The following GRM8 variants were observed in gnomAD, a reference collection of about 807,000 sequenced individuals.
The protein encoded by GRM8 is metabotropic glutamate receptor 8.
Under a neutral mutation model 87.2 loss-of-function variants are expected in GRM8, and 47 were observed. That is an observed-to-expected ratio of 0.54 (90% CI 0.43 to 0.69). The LOEUF is 0.69. Among genes scored for constraint, GRM8 ranks in the 30% least tolerant of loss-of-function variants. GRM8 has a pLI of 0.00. For missense variants in GRM8, 1,019 were observed against 1,139.2 expected (o/e 0.89, Z 1.52); for synonymous variants, 396 against 404.5 (o/e 0.98, Z 0.25).
At chr7:126,523,275 C>T (rs953302292) in intron 9 of GRM8, among the ~76,000 whole-genome samples, 7 of 152,056 alleles carry the variant, frequency 4.6e-5, no homozygotes, top group East Asian at 3.9e-4. Context: ...CTTCTGTATG[C>T]GATGATTTAT....
At chr7:126,702,977 G>A (rs1200590356) in intron 7 of GRM8, among the ~76,000 whole-genome samples, 2 of 152,080 alleles carry the variant, frequency 1.3e-5, no homozygotes, top group African/African-American at 4.8e-5. Flanking sequence ...GCACGTTCAA[G>A]CCACAAGAAT....
chr7:126,792,408 C>T (rs1306097127), intron 6 of GRM8, among the ~76,000 whole-genome samples: 1 of 152,220 alleles, frequency 6.6e-6, no homozygotes, highest in Non-Finnish European at 1.5e-5. Context: ...TCCAGTCTCT[C>T]CCCAGCCCTG....
chr7:127,217,880 A>T (rs1235036356), intron 2 of GRM8, among the ~76,000 whole-genome samples: 1 of 152,352 alleles, frequency 6.6e-6, no homozygotes, highest in East Asian at 1.9e-4. Flanking sequence ...TATAAAATTA[A>T]GCTCTGAATT....
rs148780156 is a variant in GRM8, at chr7:126,533,387, G to A, written c.1995C>T (p.Ala665=). 119 of 1,613,898 alleles carry A rather than the reference G, an allele frequency of 7.4e-5. No individual in the cohort carries two copies. The East Asian group carries it at 2.5e-3, about 34-fold the overall frequency. Residue 665 remains alanine (A), a synonymous_variant, in exon 9 of 11, where the codon GCC becomes GCT. Transcript: ENST00000339582. ...LGLGMCFSYA[A]LLTKTNRIHR... ...GGATACGGTTTGTTTTGGTCAGAAG[G>A]GCTGCATAGCTGAAACACATGCCAA...
chr7:126,974,378 T>C (rs866485147), intron 3 of GRM8, among the ~76,000 whole-genome samples: 4 of 152,314 alleles, frequency 2.6e-5, no homozygotes, highest in East Asian at 1.9e-4. Flanking sequence ...CATGAGATGA[T>C]AGATATGTTA....
At chr7:126,797,075 A>G (rs1822034661) in intron 6 of GRM8, among the ~76,000 whole-genome samples, 1 of 152,132 alleles carries the variant, frequency 6.6e-6, no homozygotes, top group African/African-American at 2.4e-5. Context: ...AATAAAAATA[A>G]AAGTTCAAAC....
chr7:126,620,236 T>A (rs62477898), intron 7 of GRM8, among the ~76,000 whole-genome samples: 1 of 152,110 alleles, frequency 6.6e-6, no homozygotes, highest in South Asian at 2.1e-4. Context: ...TACAGTGAAC[T>A]AGAATTGCGC....
At chr7:127,246,566 T>A (rs1298128840) in intron 1 of GRM8, among the ~76,000 whole-genome samples, 1 of 152,142 alleles carries the variant, frequency 6.6e-6, no homozygotes, top group Non-Finnish European at 1.5e-5. Context: ...TGAACCCTCA[T>A]AGCCCTTCCT....
intron 9 of GRM8, among the ~76,000 whole-genome samples, chr7:126,463,043 T>C (rs545426830): frequency 2.1e-5 from 3 of 146,296 alleles, no homozygotes; most frequent in Admixed American, 6.7e-5. Context: ...TTTGACTGGT[T>C]TTCAACCTAT....
chr7:126,604,997 A>G (rs1798204093), intron 8 of GRM8, among the ~76,000 whole-genome samples: 2 of 152,340 alleles, frequency 1.3e-5, no homozygotes, highest in Middle Eastern at 6.8e-3. Context: ...TATAAAAAGA[A>G]TAATATGTTG....
At chr7:127,061,696 T>G (rs1245098268) in intron 3 of GRM8, among the ~76,000 whole-genome samples, 3 of 152,160 alleles carry the variant, frequency 2.0e-5, no homozygotes, top group African/African-American at 7.2e-5. Flanking sequence ...TTGACTGATA[T>G]CTCTCTGCTA....
At chr7:127,211,869 T>C (rs1057501233) in intron 2 of GRM8, among the ~76,000 whole-genome samples, 2 of 152,210 alleles carry the variant, frequency 1.3e-5, no homozygotes, top group Non-Finnish European at 2.9e-5. Flanking sequence ...GTCTAAGGTG[T>C]TTTGTTATAG....
At chr7:126,639,167 C>A (rs1802140225) in intron 7 of GRM8, among the ~76,000 whole-genome samples, 1 of 152,232 alleles carries the variant, frequency 6.6e-6, no homozygotes, top group Non-Finnish European at 1.5e-5. Flanking sequence ...TTGGCATGCT[C>A]TTTTCCTGCC....
intron 3 of GRM8, among the ~76,000 whole-genome samples, chr7:127,071,169 T>C (rs1431643456): frequency 6.6e-6 from 1 of 152,164 alleles, no homozygotes; most frequent in East Asian, 1.9e-4. Flanking sequence ...GTATGTAGTT[T>C]AAGCAAATGT....
chr7:126,906,132 A>G (rs1346492773), intron 3 of GRM8, among the ~76,000 whole-genome samples: 1 of 152,092 alleles, frequency 6.6e-6, no homozygotes, highest in East Asian at 1.9e-4. Flanking sequence ...GTGCCCTTAT[A>G]AAAAAGACTC....
chr7:126,607,255 A>ATG (rs1375930614), intron 8 of GRM8, among the ~76,000 whole-genome samples: 1 of 152,226 alleles, frequency 6.6e-6, no homozygotes, highest in Non-Finnish European at 1.5e-5. Context: ...AAGTATTGAT[A>ATG]TGTGGCCTTA....
chr7:126,757,737 G>T (rs1817173846), intron 7 of GRM8, among the ~76,000 whole-genome samples: 1 of 152,066 alleles, frequency 6.6e-6, no homozygotes, highest in Non-Finnish European at 1.5e-5. Context: ...AGGAAAGAGG[G>T]TCTCTTTCCC....
At chr7:126,750,188 A>G (rs1816258695) in intron 7 of GRM8, among the ~76,000 whole-genome samples, 1 of 152,166 alleles carries the variant, frequency 6.6e-6, no homozygotes, top group Non-Finnish European at 1.5e-5. Context: ...GGTAAATTTT[A>G]AAAACTTCGT....
At chr7:127,156,862 A>G (rs1446986396) in intron 2 of GRM8, among the ~76,000 whole-genome samples, 1 of 152,214 alleles carries the variant, frequency 6.6e-6, no homozygotes, top group Non-Finnish European at 1.5e-5. Context: ...ATATATGAAG[A>G]ATATAAAGTT....
Sources: gnomAD v4.1 joint callset for allele counts (sites outside exome capture counted in the v4.1 genomes callset) on GRCh38, gnomAD v4.1.1 for gene constraint, MANE v1.5 for transcripts, NCBI Gene and HGNC (gene_info 2026-07-23, HGNC 2026-07-21) for gene names.